Variants in LINGO1 observed in about 807,000 individuals in gnomAD.
The protein encoded by LINGO1 is leucine rich repeat and Ig domain containing 1, also known as leucine-rich repeat and immunoglobulin-like domain-containing nogo receptor-interacting protein 1.
LINGO1 carries 11 observed loss-of-function variants against 37.3 expected under a neutral mutation model. That is an observed-to-expected ratio of 0.29 (90% confidence interval 0.19 to 0.49). LINGO1 has a LOEUF of 0.49. Among genes scored for constraint, LINGO1 ranks in the 20% least tolerant of loss-of-function variants. The pLI, the probability that LINGO1 is intolerant of heterozygous loss-of-function variation, is 0.99. For synonymous variants in LINGO1, 387 were observed against 403.0 expected (o/e 0.96, Z 0.48); for missense variants, 585 against 878.2 (o/e 0.67, Z 4.22).
At chr15:77,684,567 G>A (rs1303045399) in intron 2 of LINGO1, among the ~76,000 whole-genome samples, 2 of 152,234 alleles carry the variant, frequency 1.3e-5, no homozygotes, top group African/African-American at 2.4e-5. Flanking sequence ...GGGCACGGTG[G>A]AGGGTGCACC....
intron 1 of LINGO1, among the ~76,000 whole-genome samples, chr15:77,764,088 C>T (rs897275707): frequency 1.3e-5 from 2 of 152,200 alleles, no homozygotes; most frequent in African/African-American, 4.8e-5. Context: ...GCATTTTCCC[C>T]CACAGCACTT....
chr15:77,760,294 C>G (rs1310147991), intron 1 of LINGO1, among the ~76,000 whole-genome samples: 2 of 152,180 alleles, frequency 1.3e-5, no homozygotes, highest in South Asian at 4.1e-4. Flanking sequence ...TGGAGTGAGC[C>G]CAGCCACTAA....
At chr15:77,729,865 C>T (rs1311255998) in intron 2 of LINGO1, among the ~76,000 whole-genome samples, 1 of 152,258 alleles carries the variant, frequency 6.6e-6, no homozygotes, top group African/African-American at 2.4e-5. Flanking sequence ...CAAGCTTTTC[C>T]TTGCTATTGC....
chr15:77,625,224 T>G (rs1289785151), intron 1 of LINGO1, among the ~76,000 whole-genome samples: 1 of 152,184 alleles, frequency 6.6e-6, no homozygotes, highest in Non-Finnish European at 1.5e-5. Context: ...GTGGTGGAAC[T>G]AGCCTGGGAT....
chr15:77,792,986 C>G (rs1445130164), intron 2 of LINGO1, among the ~76,000 whole-genome samples: 1 of 152,184 alleles, frequency 6.6e-6, no homozygotes, highest in Non-Finnish European at 1.5e-5. Flanking sequence ...GCCATTAGCT[C>G]TACCCAGAGG....
At chr15:77,692,154 C>T (rs1009719649) in intron 1 of LINGO1, among the ~76,000 whole-genome samples, 1 of 152,226 alleles carries the variant, frequency 6.6e-6, no homozygotes, top group Non-Finnish European at 1.5e-5. Flanking sequence ...CACATATGTG[C>T]ATCGTACTTA....
chr15:77,819,736 G>A (rs1328619477), intron 1 of LINGO1, among the ~76,000 whole-genome samples: 1 of 150,036 alleles, frequency 6.7e-6, no homozygotes, highest in Non-Finnish European at 1.5e-5. Context: ...GCTGCTCCCC[G>A]TAGGGACCCC....
chr15:77,637,643 G>T (rs1294102387), upstream of LINGO1, among the ~76,000 whole-genome samples: 1 of 152,118 alleles, frequency 6.6e-6, no homozygotes, highest in Non-Finnish European at 1.5e-5. This position sits in a 1 kb window ranked among gnomAD's most constrained non-coding sequence, Gnocchi z 4.6. Context: ...ATTTTTAGGT[G>T]ATCATACTGA....
chr15:77,769,382 T>TC (rs908181049), intron 1 of LINGO1, among the ~76,000 whole-genome samples: 90 of 150,794 alleles, frequency 6.0e-4, no homozygotes, highest in Middle Eastern at 3.4e-3. Flanking sequence ...CCTGCCAAGG[T>TC]CCCCCCCCAG....
At chr15:77,630,699 C>T (rs1259794906) in intron 1 of LINGO1, among the ~76,000 whole-genome samples, 1 of 152,184 alleles carries the variant, frequency 6.6e-6, no homozygotes, top group Non-Finnish European at 1.5e-5. Context: ...AAGCCCTACC[C>T]AGGGGCTCAC....
At chr15:77,636,519 G>A (rs13329191), upstream of LINGO1, among the ~76,000 whole-genome samples, 2,225 of 151,382 alleles carry the variant, frequency 0.015, 53 homozygotes, top group African/African-American at 0.052. Flanking sequence ...CTGGGGGAGT[G>A]AGGTGGAGCC....
Position 77,632,251 on chromosome 15 carries a change from C to T in LINGO1, c.6+59G>A. On this transcript the variant is annotated intron_variant, in intron 1 of 1. Transcript: ENST00000355300. The surrounding 1 kb of genome is among the most constrained non-coding windows in gnomAD (Gnocchi z 6.0). ...GCGCAGCCAGGGCCGATGGCGGCCC[C>T]CAGGGGCACTCGCCGCGGGGCTGCC... 5.2e-6 allele frequency: 7 copies of T among 1,334,590 alleles called. No homozygotes were observed. Among genetic ancestry groups the T allele is most frequent in the Non-Finnish European group, 6.7e-6 (7 of 1,048,540 alleles). 82.7% of individuals were successfully genotyped at this position (1,334,590 alleles called of 1,614,324 possible). A position where few individuals can be genotyped will look rare whatever the true frequency, so the allele number is the denominator to read the frequency against.
intron 3 of LINGO1, among the ~76,000 whole-genome samples, chr15:77,673,629 G>A (rs890472345): frequency 2.0e-5 from 3 of 152,176 alleles, no homozygotes; most frequent in Admixed American, 1.3e-4. Flanking sequence ...AACTGATGGA[G>A]GTCTGGGGGT....
intron 2 of LINGO1, among the ~76,000 whole-genome samples, chr15:77,717,852 G>A (rs1027206237): frequency 6.6e-6 from 1 of 150,928 alleles, no homozygotes. Context: ...GCCCAGCCAG[G>A]CTGGACCTCA....
intron 3 of LINGO1, among the ~76,000 whole-genome samples, chr15:77,673,941 A>G (rs1187708861): frequency 3.3e-5 from 5 of 149,738 alleles, no homozygotes; most frequent in Non-Finnish European, 5.9e-5. Flanking sequence ...TGAAATTCTT[A>G]ATTTTTTTTT....
At chr15:77,808,392 T>C (rs1467214985) in intron 1 of LINGO1, among the ~76,000 whole-genome samples, 2 of 151,892 alleles carry the variant, frequency 1.3e-5, no homozygotes, top group East Asian at 2.0e-4. Context: ...GAGAGGGAGG[T>C]GAGGCAGGTT....
At chr15:77,663,837 G>T (rs892140809) in intron 3 of LINGO1, among the ~76,000 whole-genome samples, 1 of 152,220 alleles carries the variant, frequency 6.6e-6, no homozygotes, top group Non-Finnish European at 1.5e-5. Context: ...GCTGAGTGTG[G>T]CATAAATGAC....
Position 77,613,830 on chromosome 15 carries a change from G to C in LINGO1, c.*214C>G. ...CCAGTCTGTCAATGCCCCTGTGTAG[G>C]TGGGGTCCCCAGGTCTGGGCTTCTG... On this transcript the variant is annotated 3_prime_UTR_variant, in exon 2 of 2. Transcript: ENST00000355300. 1 of 585,914 alleles carries C rather than the reference G, an allele frequency of 1.7e-6. No individual in the cohort carries two copies. Among genetic ancestry groups the C allele is most frequent in the South Asian group, 2.2e-5 (1 of 45,746 alleles). 36.3% of individuals were successfully genotyped at this position (585,914 alleles called of 1,614,324 possible).
At chr15:77,797,508 G>A (rs1310801360) in intron 1 of LINGO1, among the ~76,000 whole-genome samples, 1 of 152,222 alleles carries the variant, frequency 6.6e-6, no homozygotes, top group Non-Finnish European at 1.5e-5. Context: ...AAGTCCACAC[G>A]AAGACAAGGA....
Sources: allele counts gnomAD v4.1 joint callset (sites outside exome capture counted in the v4.1 genomes callset), GRCh38; gene constraint gnomAD v4.1.1; non-coding constraint Gnocchi (gnomAD v3.1); transcripts MANE v1.5; gene names NCBI Gene and HGNC (gene_info 2026-07-23, HGNC 2026-07-21).